The following FAF1 variants were observed in gnomAD, a reference collection of about 807,000 sequenced individuals.
FAF1 encodes the protein Fas associated factor 1.
FAF1 carries 25 observed loss-of-function variants against 92.5 expected under a neutral mutation model. That is an observed-to-expected ratio of 0.27 (90% CI 0.20 to 0.38). The LOEUF is 0.38. Ranked by LOEUF, FAF1 falls within the 10% of genes least tolerant of loss-of-function variation. The probability of loss-of-function intolerance (pLI) is 1.00; values close to 1 mark genes in which losing one functional copy is unlikely to be tolerated. For missense variants in FAF1, 636 were observed against 793.3 expected, an observed-to-expected ratio of 0.80 and a Z score of 2.38; for synonymous variants, 234 against 273.2, an observed-to-expected ratio of 0.86 and a Z score of 1.42.
intron 8 of FAF1, among the ~76,000 whole-genome samples, chr1:50,651,245 G>A (rs1215239768): frequency 6.6e-6 from 1 of 152,120 alleles, no homozygotes; most frequent in African/African-American, 2.4e-5. Flanking sequence ...AAAAATGTAA[G>A]TGAAAAAGTA....
intron 2 of FAF1, among the ~76,000 whole-genome samples, chr1:50,807,834 T>C (rs1345608009): frequency 6.6e-6 from 1 of 152,156 alleles, no homozygotes; most frequent in East Asian, 1.9e-4. Flanking sequence ...ATGGAAAACA[T>C]GTTTTAGAGT....
At chr1:50,729,275 A>C (rs1658819867) in intron 6 of FAF1, among the ~76,000 whole-genome samples, 1 of 151,084 alleles carries the variant, frequency 6.6e-6, no homozygotes, top group Non-Finnish European at 1.5e-5. Context: ...GGTTGGTCTC[A>C]AACTCCCGAC....
intron 1 of FAF1, among the ~76,000 whole-genome samples, chr1:50,929,967 T>C (rs1365423993): frequency 6.6e-6 from 1 of 152,226 alleles, no homozygotes; most frequent in Non-Finnish European, 1.5e-5. Context: ...AGGCAATTTA[T>C]CGCATAAAGA....
chr1:50,535,385 T>G lies in FAF1; in HGVS notation c.1478A>C (p.Glu493Ala), dbSNP rs1202634172. 3.1e-6 allele frequency: 5 copies of G among 1,609,638 alleles called. No homozygotes were observed. Among genetic ancestry groups the G allele is most frequent in the Non-Finnish European group, 4.2e-6 (5 of 1,176,488 alleles). ...AMEIFTAQQQEDIKDEDEREA... is the reference protein window; with the variant it reads ...AMEIFTAQQQADIKDEDEREA... ...TAACCTTACCTCGTCCTTTATATCTTCCTGTTGTTGGGCTGTGAAGATCTC... is the reference window on the plus strand; with the variant it reads ...TAACCTTACCTCGTCCTTTATATCTGCCTGTTGTTGGGCTGTGAAGATCTC... Residue 493 changes from glutamate to alanine, a missense_variant, in exon 15 of 19, where the codon GAA (glutamate) becomes GCA (alanine). Coordinates refer to ENST00000396153, the MANE Select transcript of FAF1 (RefSeq NM_007051.3).
At chr1:50,490,227 G>A (rs1384229298) in intron 17 of FAF1, among the ~76,000 whole-genome samples, 3 of 152,090 alleles carry the variant, frequency 2.0e-5, no homozygotes, top group Admixed American at 6.5e-5. Flanking sequence ...AGGCATGGTG[G>A]TGTGCACCTG....
chr1:50,767,722 A>G (rs1660628970), intron 4 of FAF1, among the ~76,000 whole-genome samples: 1 of 152,202 alleles, frequency 6.6e-6, no homozygotes, highest in Non-Finnish European at 1.5e-5. Flanking sequence ...AAGCTTCATA[A>G]ATGAATCCTT....
rs1407856193 is a variant in FAF1 at position 50,801,660 on chromosome 1, T to C, written c.132A>G (p.Val44=). 2 of 1,596,594 alleles carry C rather than the reference T, an allele frequency of 1.3e-6. No individual in the cohort carries two copies. Among genetic ancestry groups the C allele is most frequent in the Non-Finnish European group, 8.6e-7 (1 of 1,164,508 alleles). The change falls in exon 3 of 19, where the codon GTA becomes GTG. Residue 44 remains valine, a synonymous_variant. Coordinates refer to ENST00000396153, the MANE Select transcript of FAF1 (RefSeq NM_007051.3). ...GTAGAATGCCATTTTCCTGTGGTAT[T>C]ACACCATTGATAGCTGCCTGCAAAC... ...NWDLVAAING[V]IPQENGILQS... is the part of the protein sequence containing the mutation.
At chr1:50,754,761 GACT>G (rs780685476) in intron 4 of FAF1, among the ~76,000 whole-genome samples, 5 of 152,104 alleles carry the variant, frequency 3.3e-5, no homozygotes, top group Non-Finnish European at 7.3e-5. Context: ...AGGTTTAATG[GACT>G]TACAGTTCCA....
At chr1:50,742,878 G>A (rs892665665) in intron 5 of FAF1, among the ~76,000 whole-genome samples, 8 of 152,292 alleles carry the variant, frequency 5.3e-5, no homozygotes, top group African/African-American at 1.9e-4. Flanking sequence ...CCTGCTGCCT[G>A]TTTTTGTATG....
intron 6 of FAF1, among the ~76,000 whole-genome samples, chr1:50,709,986 T>G (rs1325528822): frequency 1.3e-5 from 2 of 152,110 alleles, no homozygotes; most frequent in Non-Finnish European, 2.9e-5. Context: ...AAGAAACGTG[T>G]TAGAAAGCAA....
intron 13 of FAF1, among the ~76,000 whole-genome samples, chr1:50,561,454 T>C (rs1378127163): frequency 6.6e-6 from 1 of 152,204 alleles, no homozygotes; most frequent in East Asian, 1.9e-4. Flanking sequence ...TTCTTGCCAT[T>C]ACTCAAACTG....
At chr1:50,499,923 A>G (rs1646962556) in intron 15 of FAF1, among the ~76,000 whole-genome samples, 1 of 152,232 alleles carries the variant, frequency 6.6e-6, no homozygotes, top group African/African-American at 2.4e-5. Flanking sequence ...TTATAATAGC[A>G]TAAAATATAT....
intron 9 of FAF1, among the ~76,000 whole-genome samples, chr1:50,587,903 A>AG (rs1651314902): frequency 1.3e-5 from 2 of 152,224 alleles, no homozygotes; most frequent in African/African-American, 4.8e-5. Flanking sequence ...AGAACTCATA[A>AG]CTGGCATTAA....
rs1427829629 is a variant in FAF1, at chr1:50,853,483, A to G, written c.114+4446T>C. On this transcript the variant is annotated intron_variant, in intron 2 of 18. Transcript: ENST00000396153. ...TGTAGGTTGAAACATGTAGTTAAAG[A>G]CAAATATAAGCACTCTGAATAGAGT... is the stretch of plus-strand genomic sequence containing the variant. 2.6e-5 allele frequency among the ~76,000 whole-genome samples: 4 copies of G among 152,108 alleles called. No homozygotes were observed. The East Asian group carries it at 7.7e-4, about 29-fold the overall frequency.
intron 2 of FAF1, among the ~76,000 whole-genome samples, chr1:50,839,041 T>C (rs1409683260): frequency 6.6e-6 from 1 of 152,142 alleles, no homozygotes; most frequent in Admixed American, 6.5e-5. Context: ...GTACTGCTTT[T>C]TTTGATGTGA....
intron 9 of FAF1, among the ~76,000 whole-genome samples, chr1:50,591,282 T>C (rs993920079): frequency 1.3e-5 from 2 of 152,172 alleles, no homozygotes; most frequent in African/African-American, 4.8e-5. Context: ...GATTTCTCTG[T>C]CTTCTGTCTT....
intron 1 of FAF1, among the ~76,000 whole-genome samples, chr1:50,923,236 T>C (rs1023822205): frequency 1.3e-5 from 2 of 151,932 alleles, no homozygotes; most frequent in African/African-American, 2.4e-5. Flanking sequence ...CTGGGCAATA[T>C]AGAAAAACCC....
intron 18 of FAF1, among the ~76,000 whole-genome samples, chr1:50,447,388 G>T (rs1646242244): frequency 6.6e-6 from 1 of 152,100 alleles, no homozygotes; most frequent in Non-Finnish European, 1.5e-5. Flanking sequence ...GCCTCCCAAA[G>T]TGCTGGGATT....
intron 18 of FAF1, among the ~76,000 whole-genome samples, chr1:50,473,609 A>G (rs1304683099): frequency 6.6e-6 from 1 of 152,192 alleles, no homozygotes; most frequent in Non-Finnish European, 1.5e-5. Context: ...GGTAGTTTTC[A>G]TACTTGGCTG....
Sources: allele counts gnomAD v4.1 joint callset (sites outside exome capture counted in the v4.1 genomes callset), GRCh38; gene constraint gnomAD v4.1.1; transcripts MANE v1.5; gene names NCBI Gene and HGNC (gene_info 2026-07-23, HGNC 2026-07-21).